Variants in PCDH15 observed in about 807,000 individuals in gnomAD.
PCDH15 encodes protocadherin related 15, also known as protocadherin-15.
PCDH15 carries 129 observed loss-of-function variants against 178.5 expected under a neutral mutation model. The ratio of observed to expected loss-of-function variants is 0.72; its 90% CI spans 0.63 to 0.84. The LOEUF (loss-of-function observed/expected upper bound fraction) is 0.84. Among genes scored for constraint, PCDH15 ranks in the 40% least tolerant of loss-of-function variants. The pLI is 0.00. For synonymous variants in PCDH15, 800 were observed against 732.0 expected, an observed-to-expected ratio of 1.09 and a Z score of -1.50; for missense variants, 2,230 against 2,099.9, an observed-to-expected ratio of 1.06 and a Z score of -1.21.
intron 1 of PCDH15, among the ~76,000 whole-genome samples, chr10:55,274,887 C>T (rs1375989047): frequency 6.6e-6 from 1 of 152,068 alleles, no homozygotes; most frequent in African/African-American, 2.4e-5. Flanking sequence ...TCTAAAACCA[C>T]CACTGATATG....
At chr10:55,109,370 ATT>A (rs1206532683) in intron 2 of PCDH15, among the ~76,000 whole-genome samples, 1 of 152,210 alleles carries the variant, frequency 6.6e-6, no homozygotes, top group East Asian at 1.9e-4. Context: ...AATAAAACTT[ATT>A]ACCCTAAATT....
At chr10:55,173,788 G>T (rs568636508) in intron 1 of PCDH15, among the ~76,000 whole-genome samples, 3 of 151,764 alleles carry the variant, frequency 2.0e-5, no homozygotes, top group Non-Finnish European at 4.4e-5. Flanking sequence ...TTTCCTTTGC[G>T]TTTTTTCTTC....
At chr10:53,845,302 T>C (rs1373853971) in intron 28 of PCDH15, among the ~76,000 whole-genome samples, 1 of 151,970 alleles carries the variant, frequency 6.6e-6, no homozygotes, top group African/African-American at 2.4e-5. Flanking sequence ...ACAGCCATTA[T>C]GGAAAACAGT....
chr10:54,628,517 T>C (rs1401938855), intron 2 of PCDH15, among the ~76,000 whole-genome samples: 3 of 152,182 alleles, frequency 2.0e-5, no homozygotes, highest in African/African-American at 7.2e-5. Flanking sequence ...AACCTTAAAC[T>C]TGATAATACG....
Position 54,600,038 on chromosome 10 carries a change from G to A in PCDH15, c.91+64134C>T, listed in dbSNP as rs60523856. 4.0e-3 allele frequency: 5,281 copies of A among 1,336,256 alleles called. 168 individuals are homozygous for A. In the African/African-American group the frequency reaches 0.07, roughly 18 times the overall value. 82.8% of individuals were successfully genotyped at this position (1,336,256 alleles called of 1,614,324 possible). A position where few individuals can be genotyped will look rare whatever the true frequency, so the allele number is the denominator to read the frequency against. On this transcript the variant is annotated intron_variant, in intron 2 of 37. Transcript: ENST00000644397. ...AAGTCAAAAGCAGAAGTGGGGAAAG[G>A]TGAACAGAAAGAGGAAGAAAAGGAA...
chr10:55,591,153 A>C (rs1286678940), intron 2 of PCDH15, among the ~76,000 whole-genome samples: 2 of 151,976 alleles, frequency 1.3e-5, no homozygotes, highest in African/African-American at 4.8e-5. Flanking sequence ...ATTGCTTCAT[A>C]AAATATTTAA....
chr10:54,647,238 C>T (rs1177609724), intron 2 of PCDH15, among the ~76,000 whole-genome samples: 1 of 152,088 alleles, frequency 6.6e-6, no homozygotes, highest in East Asian at 1.9e-4. Flanking sequence ...ATAAGCCAGT[C>T]ACAGAGAACA....
intron 11 of PCDH15, among the ~76,000 whole-genome samples, chr10:54,191,342 T>A (rs932185564): frequency 1.8e-4 from 27 of 152,140 alleles, no homozygotes; most frequent in Non-Finnish European, 2.9e-5. Context: ...GATTCTCGAA[T>A]GAAGGAATGC....
At chr10:54,231,072 A>G (rs2054009906) in intron 9 of PCDH15, among the ~76,000 whole-genome samples, 1 of 152,206 alleles carries the variant, frequency 6.6e-6, no homozygotes, top group African/African-American at 2.4e-5. Context: ...AGCTACATAT[A>G]TGATTAAGGG....
upstream of PCDH15, among the ~76,000 whole-genome samples, chr10:55,322,275 C>A (rs2132300821): frequency 6.6e-6 from 1 of 152,264 alleles, no homozygotes; most frequent in Non-Finnish European, 1.5e-5. Context: ...GCCTCCCCAG[C>A]CATGTGGAAC....
At chr10:53,866,518 G>A (rs1564638829) in intron 27 of PCDH15, 124 bp downstream of exon 27, 1 of 686,622 alleles carries the variant, frequency 1.5e-6, no homozygotes, top group Non-Finnish European at 2.6e-6. Context: ...CAATCTGAGT[G>A]AAAATAATAA....
chr10:53,842,163 G>A (rs2132793493), intron 28 of PCDH15, among the ~76,000 whole-genome samples: 1 of 152,242 alleles, frequency 6.6e-6, no homozygotes, highest in South Asian at 2.1e-4. Flanking sequence ...TAATGTTGAG[G>A]AGTACAGATG....
chr10:53,852,281 A>T (rs978030744), intron 28 of PCDH15, among the ~76,000 whole-genome samples: 9 of 150,480 alleles, frequency 6.0e-5, no homozygotes, highest in East Asian at 1.9e-4. Context: ...ACCTTAATTT[A>T]AAAAAAAGTA....
At position 54,847,157 on chromosome 10, in the gene PCDH15, T is replaced by C. The variant is rs574380897; in HGVS notation, c.-29+50293A>G. On this transcript the variant is annotated intron_variant, in intron 3 of 5. Coordinates refer to the PCDH15 transcript ENST00000458638. ...TAAATATGTGAAAAATGCATAGACT[T>C]TGTCTGACCTTCATGATTCATAATC... is the stretch of plus-strand genomic sequence containing the variant. 2.0e-5 allele frequency among the ~76,000 whole-genome samples: 3 copies of C among 152,280 alleles called. No individual in the cohort carries two copies. In the South Asian group the frequency reaches 6.2e-4, roughly 32 times the overall value.
intron 15 of PCDH15, among the ~76,000 whole-genome samples, chr10:54,107,446 G>A (rs1472240760): frequency 6.6e-6 from 1 of 152,182 alleles, no homozygotes; most frequent in African/African-American, 2.4e-5. Flanking sequence ...ACCCCAGAGG[G>A]GGAGGAACAT....
rs145928781 is a variant in PCDH15 at position 54,978,439 on chromosome 10, G to C, written c.-79-80939C>G. Among the ~76,000 whole-genome samples, 39 of 152,222 alleles carry C rather than the reference G, an allele frequency of 2.6e-4. 2 individuals carry two copies. The East Asian group carries it at 7.4e-3, about 29-fold the overall frequency. On this transcript the variant is annotated intron_variant, in intron 2 of 5. Coordinates refer to the PCDH15 transcript ENST00000458638. The stretch of plus-strand genomic sequence containing the variant: ...ATAATGTCAATAATGCCCAAGACTT[G>C]TATAAGTGTATAACAGATTAGAATA...
chr10:55,470,503 T>C (rs939200095), intron 2 of PCDH15, among the ~76,000 whole-genome samples: 1 of 152,210 alleles, frequency 6.6e-6, no homozygotes, highest in African/African-American at 2.4e-5. Flanking sequence ...TAGTATACTT[T>C]GATAACAGTT....
At chr10:53,991,229 C>T (rs909446983) in intron 21 of PCDH15, among the ~76,000 whole-genome samples, 2 of 152,192 alleles carry the variant, frequency 1.3e-5, no homozygotes, top group African/African-American at 2.4e-5. Flanking sequence ...GCAGCTCTGC[C>T]TGCAGCCCCG....
rs924087787 is a variant in PCDH15, at chr10:54,074,462, G to C, written c.2091+4869C>G. On this transcript the variant is annotated intron_variant, in intron 17 of 37. Transcript: ENST00000644397. ...ATATGGAATTTAACATTTTGTGACT[G>C]GCTAATCTCACTTAGCATAATGTTC... Among the ~76,000 whole-genome samples, 7 of 152,234 alleles carry C rather than the reference G, an allele frequency of 4.6e-5. No individual in the cohort carries two copies. The South Asian group carries it at 1.0e-3, about 23-fold the overall frequency.
Sources: allele counts gnomAD v4.1 joint callset (sites outside exome capture counted in the v4.1 genomes callset), GRCh38; gene constraint gnomAD v4.1.1; transcripts MANE v1.5; gene names NCBI Gene and HGNC (gene_info 2026-07-23, HGNC 2026-07-21).